The following CUX1 variants were observed in gnomAD, a reference collection of about 807,000 sequenced individuals.
CUX1 encodes protein CASP.
CUX1 carries 31 observed loss-of-function variants against 158.8 expected under a neutral mutation model. The observed-to-expected ratio is 0.20, with a 90% CI of 0.15 to 0.26. The LOEUF is 0.26. Ranked by LOEUF, CUX1 falls within the 10% of genes least tolerant of loss-of-function variation. The pLI is 1.00. For missense variants in CUX1, 1,589 were observed against 2,014.6 expected (o/e 0.79, Z 4.04); for synonymous variants, 879 against 862.1 (o/e 1.02, Z -0.34).
At chr7:102,172,095 C>A (rs1490384337) in intron 10 of CUX1, among the ~76,000 whole-genome samples, 1 of 151,684 alleles carries the variant, frequency 6.6e-6, no homozygotes, top group East Asian at 1.9e-4. Flanking sequence ...ACCGTTATTT[C>A]TTTTTTTTGA....
chr7:102,212,345 G>T (rs1326009621), intron 20 of CUX1, among the ~76,000 whole-genome samples: 1 of 152,004 alleles, frequency 6.6e-6, no homozygotes, highest in East Asian at 1.9e-4. Context: ...TGCCAGCACC[G>T]CCCCAGCACC....
intron 14 of CUX1, among the ~76,000 whole-genome samples, chr7:102,268,109 A>C (rs1453970713): frequency 6.6e-6 from 1 of 152,040 alleles, no homozygotes; most frequent in African/African-American, 2.4e-5. Flanking sequence ...GGGCCCTTGC[A>C]CCACAGACTC....
In CUX1 at chr7:102,201,806, T is replaced by C. The variant is rs988583082; in HGVS notation, c.2509T>C (p.Ser837Pro). 6.2e-7 allele frequency: 1 copy of C among 1,612,606 alleles called. No individual in the cohort carries two copies. ...GCAGCCGGAGAGAAGAAATGCCGCC[T>C]CCTCCGAGGAGGCCAAGGCCGAAGA... ...AVQPERRNAA[S>P]SEEAKAEETG... The change falls in exon 18 of 24, where the codon TCC becomes CCC. Residue 837 changes from serine (S) to proline (P), a missense_variant. Physicochemically the swap from Ser to Pro is moderately conservative, Grantham distance 74. Coordinates refer to ENST00000292535, the MANE Select transcript of CUX1 (RefSeq NM_181552.4). This position sits in a 1 kb window ranked among gnomAD's most constrained non-coding sequence, Gnocchi z 5.0.
intron 14 of CUX1, among the ~76,000 whole-genome samples, chr7:102,272,118 G>A (rs1223645254): frequency 6.6e-6 from 1 of 152,248 alleles, no homozygotes; most frequent in African/African-American, 2.4e-5. Flanking sequence ...GATGCCTTGG[G>A]TTTGGTCCCA....
intron 1 of CUX1, among the ~76,000 whole-genome samples, chr7:101,912,040 A>G (rs531342615): frequency 1.3e-5 from 2 of 152,338 alleles, no homozygotes; most frequent in South Asian, 4.1e-4. Context: ...CTAGCCTGCC[A>G]GCTTCCCATG....
chr7:102,037,926 A>T (rs904917072), intron 3 of CUX1, among the ~76,000 whole-genome samples: 19 of 151,814 alleles, frequency 1.3e-4, no homozygotes, highest in African/African-American at 4.4e-4. Context: ...ATGGTGGCAC[A>T]TGCCTGTAGT....
rs192957018 is a variant in CUX1 at position 101,916,785 on chromosome 7, A to G, written c.141+560A>G. 6.6e-6 allele frequency among the ~76,000 whole-genome samples: 1 copy of G among 152,094 alleles called. No homozygotes were observed. Among genetic ancestry groups the G allele is most frequent in the Non-Finnish European group, 1.5e-5 (1 of 68,012 alleles). ...AGGGCAATGGAAATGTGCTTTTTAT[A>G]TACTCCTGTTTTTTCTCTCGTGAGT... On this transcript the variant is annotated intron_variant, in intron 2 of 23. Transcript: ENST00000292535. The surrounding 1 kb of genome is among the most constrained non-coding windows in gnomAD (Gnocchi z 4.4).
intron 2 of CUX1, among the ~76,000 whole-genome samples, chr7:101,958,481 T>TTC (rs1222768290): frequency 2.2e-5 from 3 of 135,214 alleles, no homozygotes; most frequent in African/African-American, 9.3e-5. Context: ...TTTCTTTTCT[T>TTC]TTTTTTTTTT....
intron 19 of CUX1, among the ~76,000 whole-genome samples, chr7:102,280,336 G>T (rs1252230143): frequency 6.6e-6 from 1 of 152,116 alleles, no homozygotes; most frequent in South Asian, 2.1e-4. Flanking sequence ...CCTCCCCACC[G>T]CTTCAGTGCA....
chr7:102,169,958 T>A (rs782497973), intron 9 of CUX1, among the ~76,000 whole-genome samples: 2 of 152,190 alleles, frequency 1.3e-5, no homozygotes, highest in South Asian at 4.1e-4. Flanking sequence ...GGCATTTACA[T>A]CCTGTACGTT....
At chr7:102,015,732 G>A (rs548460922) in intron 2 of CUX1, among the ~76,000 whole-genome samples, 3 of 152,232 alleles carry the variant, frequency 2.0e-5, no homozygotes, top group East Asian at 3.9e-4. Flanking sequence ...TCATCCACCC[G>A]CTATGCATCG....
chr7:102,056,558 G>T (rs907502212), intron 3 of CUX1, among the ~76,000 whole-genome samples: 1 of 152,142 alleles, frequency 6.6e-6, no homozygotes, highest in Non-Finnish European at 1.5e-5. Context: ...GAGACCTACT[G>T]CCCAGAATAA....
chr7:101,897,513 A>T, intron 1 of CUX1, among the ~76,000 whole-genome samples: 1 of 146,186 alleles, frequency 6.8e-6, no homozygotes, highest in Non-Finnish European at 1.5e-5. Flanking sequence ...AAAAAAAAAA[A>T]TAATAATAAT....
rs782019580 is a variant in CUX1, at chr7:102,205,189, T to C, written c.3130+19T>C. On this transcript the variant is annotated intron_variant, in intron 20 of 23. Coordinates refer to ENST00000292535, the MANE Select transcript of CUX1 (RefSeq NM_181552.4). ...AGCTCAGGTAAGCAGCCAGTTTCTG[T>C]TGCTTTTGCATGAAATGTCTCACTG... is the stretch of plus-strand genomic sequence containing the variant. 6.3e-7 allele frequency: 1 copy of C among 1,589,640 alleles called. No homozygotes were observed. The highest frequency in any genetic ancestry group is 8.6e-7 in the Non-Finnish European group (1 of 1,158,826).
intron 2 of CUX1, among the ~76,000 whole-genome samples, chr7:101,926,759 T>C (rs1265023455): frequency 6.6e-6 from 1 of 152,178 alleles, no homozygotes; most frequent in Admixed American, 6.5e-5. Flanking sequence ...GGTCCCCTTA[T>C]GTATAAGCAG....
At chr7:102,094,193 A>G (rs782559112) in intron 4 of CUX1, among the ~76,000 whole-genome samples, 18 of 152,232 alleles carry the variant, frequency 1.2e-4, no homozygotes, top group African/African-American at 3.9e-4. Context: ...AAGCCTAAGA[A>G]GTTCTTTAGC....
chr7:101,937,365 G>A (rs1284720992), intron 2 of CUX1, among the ~76,000 whole-genome samples: 1 of 152,168 alleles, frequency 6.6e-6, no homozygotes, highest in Non-Finnish European at 1.5e-5. Flanking sequence ...GAACCTGGTG[G>A]CCATAGGATT....
chr7:102,233,831 C>T (rs1379197818), intron 21 of CUX1, among the ~76,000 whole-genome samples: 2 of 152,040 alleles, frequency 1.3e-5, no homozygotes, highest in East Asian at 1.9e-4. Flanking sequence ...GTTGTGTGTA[C>T]GGAGAATGCA....
chr7:102,050,743 C>T (rs914979899), intron 3 of CUX1, among the ~76,000 whole-genome samples: 1 of 151,734 alleles, frequency 6.6e-6, no homozygotes, highest in African/African-American at 2.4e-5. Flanking sequence ...CGCTCTGCTG[C>T]CCAGGCTGGA....
Sources: gnomAD v4.1 joint callset for allele counts (sites outside exome capture counted in the v4.1 genomes callset) on GRCh38, gnomAD v4.1.1 for gene constraint, Gnocchi (gnomAD v3.1) non-coding constraint, MANE v1.5 for transcripts, NCBI Gene and HGNC (gene_info 2026-07-23, HGNC 2026-07-21) for gene names.